The following EXOC6 variants were observed in gnomAD, a reference collection of about 807,000 sequenced individuals.
EXOC6 encodes exocyst complex component 6.
In EXOC6, 60 loss-of-function variants were observed where a neutral mutation model predicts 112.5. That is an observed-to-expected ratio of 0.53 (90% confidence interval 0.43 to 0.66). The LOEUF (loss-of-function observed/expected upper bound fraction) is 0.66. EXOC6 is among the 30% of genes least tolerant of loss of function. The probability of loss-of-function intolerance (pLI) is 0.00; values close to 1 mark genes in which losing one functional copy is unlikely to be tolerated. For missense variants in EXOC6, 855 were observed against 957.1 expected, an observed-to-expected ratio of 0.89 and a Z score of 1.41; for synonymous variants, 295 against 308.0, an observed-to-expected ratio of 0.96 and a Z score of 0.44.
chr10:92,896,493 G>A (rs10786058), intron 4 of EXOC6, among the ~76,000 whole-genome samples: 43,948 of 150,704 alleles, frequency 0.29, 7,241 homozygotes, highest in East Asian at 0.73. Flanking sequence ...CACTGCACCC[G>A]CTATATGCTA....
At chr10:92,999,312 CT>C in intron 19 of EXOC6, 1 of 393,774 alleles carries the variant, frequency 2.5e-6, no homozygotes, top group Admixed American at 3.3e-5. Flanking sequence ...ATCCTCCTGC[CT>C]TGGCATCCCA....
chr10:92,871,398 G>A (rs1354462084), intron 1 of EXOC6, among the ~76,000 whole-genome samples: 2 of 150,566 alleles, frequency 1.3e-5, no homozygotes, highest in African/African-American at 4.9e-5. Flanking sequence ...GACACCTGTG[G>A]TCTTAGCTAA....
At chr10:92,962,419 C>G (rs1018295449) in intron 17 of EXOC6, among the ~76,000 whole-genome samples, 1 of 151,054 alleles carries the variant, frequency 6.6e-6, no homozygotes, top group African/African-American at 2.4e-5. Flanking sequence ...AGACAGGGTC[C>G]CACTCTGTCA....
chr10:92,854,508 T>C (rs2133644122), intron 1 of EXOC6, among the ~76,000 whole-genome samples: 1 of 152,270 alleles, frequency 6.6e-6, no homozygotes, highest in East Asian at 1.9e-4. Flanking sequence ...CATACACTGC[T>C]GTGGGAATTC....
intron 12 of EXOC6, 25 bp from the exon 13 acceptor site, chr10:92,940,702 G>GC (rs1379383244): frequency 2.0e-5 from 22 of 1,107,812 alleles, no homozygotes; most frequent in Non-Finnish European, 2.6e-5. Flanking sequence ...TTGTTTATCT[G>GC]CTTTTTTTTT....
chr10:93,001,964 A>G (rs1298372623), intron 19 of EXOC6, among the ~76,000 whole-genome samples: 2 of 152,250 alleles, frequency 1.3e-5, no homozygotes, highest in African/African-American at 4.8e-5. Context: ...CAGATTAAAT[A>G]TAGAGATACT....
intron 1 of EXOC6, among the ~76,000 whole-genome samples, chr10:92,849,585 C>A (rs1847226210): frequency 6.6e-6 from 1 of 152,184 alleles, no homozygotes; most frequent in African/African-American, 2.4e-5. Flanking sequence ...ACTTAGGGAA[C>A]TTGAGACTGA....
At chr10:93,035,602 C>A (rs1845479900) in intron 20 of EXOC6, among the ~76,000 whole-genome samples, 3 of 152,188 alleles carry the variant, frequency 2.0e-5, no homozygotes, top group Admixed American at 2.0e-4. Flanking sequence ...CGCCTGTAAT[C>A]CCAACACTTA....
At chr10:92,861,225 C>G (rs1847895823) in intron 1 of EXOC6, among the ~76,000 whole-genome samples, 2 of 152,202 alleles carry the variant, frequency 1.3e-5, no homozygotes, top group South Asian at 4.1e-4. Context: ...TACCTCACCC[C>G]CTGATTATAA....
At chr10:92,933,544 G>T (rs572163715) in intron 9 of EXOC6, among the ~76,000 whole-genome samples, 1 of 152,204 alleles carries the variant, frequency 6.6e-6, no homozygotes, top group African/African-American at 2.4e-5. Flanking sequence ...AACCCCAGAT[G>T]TATGAAAATT....
At chr10:93,029,422 C>T (rs1845172868) in intron 20 of EXOC6, among the ~76,000 whole-genome samples, 2 of 152,062 alleles carry the variant, frequency 1.3e-5, no homozygotes, top group African/African-American at 2.4e-5. Context: ...CATGTATTTG[C>T]CATTTGAATG....
rs773516941 is a variant in EXOC6 at position 92,997,476 on chromosome 10, G to T, written c.1956G>T (p.Gly652=). The T allele has an allele frequency of 6.2e-7, 1 of 1,606,382 alleles. No homozygotes were observed. The highest frequency in any genetic ancestry group is 8.5e-7 in the Non-Finnish European group (1 of 1,175,242). ...TTTGGTTTGATTGTTTTAAACAGGG[G>T]AAAGTTGCTCAGACAGCTTGCATGT... ...SIFQVFTHLP[G]KVAQTACMSA... is the part of the protein sequence containing the mutation. Residue 652 remains glycine, a splice_region_variant and synonymous_variant, in exon 19 of 22, where the codon GGG becomes GGT. Coordinates refer to ENST00000260762, the MANE Select transcript of EXOC6 (RefSeq NM_019053.6).
At chr10:92,955,505 A>G (rs1381097084) in intron 16 of EXOC6, 75 bp from the exon 17 acceptor site, 1 of 1,182,984 alleles carries the variant, frequency 8.5e-7, no homozygotes, top group African/African-American at 1.5e-5. Flanking sequence ...GGAAGTAATA[A>G]TCCCATTTTT....
At chr10:92,855,027 G>C (rs75916766) in intron 1 of EXOC6, among the ~76,000 whole-genome samples, 3,346 of 152,088 alleles carry the variant, frequency 0.022, 56 homozygotes, top group African/African-American at 0.041. Context: ...TTAATATACT[G>C]TTGGATTTGG....
intron 1 of EXOC6, among the ~76,000 whole-genome samples, chr10:92,882,434 T>C (rs796658903): frequency 1.3e-4 from 19 of 151,608 alleles, no homozygotes; most frequent in African/African-American, 4.6e-4. Context: ...ATCCCAGCTA[T>C]TTGGGAGGCT....
At chr10:93,035,711 C>T (rs962540056) in intron 20 of EXOC6, among the ~76,000 whole-genome samples, 1 of 152,126 alleles carries the variant, frequency 6.6e-6, no homozygotes, top group African/African-American at 2.4e-5. Context: ...AAAAATTAGA[C>T]GAGTGCATTG....
intron 20 of EXOC6, among the ~76,000 whole-genome samples, chr10:93,037,274 G>A (rs1041377178): frequency 4.0e-4 from 60 of 151,524 alleles, no homozygotes; most frequent in Middle Eastern, 6.8e-3. Context: ...GGAGTAGCTG[G>A]GACTACAGGT....
chr10:93,042,336 A>C (rs1012179325), intron 20 of EXOC6, among the ~76,000 whole-genome samples: 1 of 152,222 alleles, frequency 6.6e-6, no homozygotes, highest in Admixed American at 6.5e-5. Context: ...TGATGCTCTG[A>C]TAATAGCCTA....
Position 92,985,977 on chromosome 10 carries a change from G to GTATA in EXOC6, c.1954-11485_1954-11482dup, listed in dbSNP as rs150716122. Among the ~76,000 whole-genome samples, 346 of 149,888 alleles carry GTATA rather than the reference G, an allele frequency of 2.3e-3. 1 individual carries two copies. The highest frequency in any genetic ancestry group is 7.8e-3 in the African/African-American group (321 of 40,954). On this transcript the variant is annotated intron_variant, in intron 18 of 21. Coordinates refer to ENST00000260762, the MANE Select transcript of EXOC6 (RefSeq NM_019053.6). ...TCAAATGAAAATATAACCATATATT[G>GTATA]TATATATATATATATCCTTAAAAAT...
Sources: allele counts gnomAD v4.1 joint callset (sites outside exome capture counted in the v4.1 genomes callset), GRCh38; gene constraint gnomAD v4.1.1; transcripts MANE v1.5; gene names NCBI Gene and HGNC (gene_info 2026-07-23, HGNC 2026-07-21).